Variants in SERPINB9 observed in about 807,000 individuals in gnomAD.
SERPINB9 encodes serpin B9.
A neutral mutation model predicts 27.2 loss-of-function variants in SERPINB9; 20 were observed. That is an observed-to-expected ratio of 0.74 (90% CI 0.52 to 1.07). The LOEUF is 1.07. SERPINB9 is among the 50% of genes least tolerant of loss of function. SERPINB9 has a pLI of 0.00. For missense variants in SERPINB9, 476 were observed against 460.1 expected, an observed-to-expected ratio of 1.03 and a Z score of -0.32; for synonymous variants, 189 against 180.0, an observed-to-expected ratio of 1.05 and a Z score of -0.40.
chr6:2,902,443 A>G (rs1306462954), intron 1 of SERPINB9, among the ~76,000 whole-genome samples: 2 of 152,224 alleles, frequency 1.3e-5, no homozygotes, highest in African/African-American at 4.8e-5. Flanking sequence ...ATTAAGATGG[A>G]TAAGAGTGCT....
rs779999185 is a variant in SERPINB9, at chr6:2,896,102, A to G, written c.257T>C (p.Leu86Pro). Residue 86 changes from leucine (L) to proline (P), a missense_variant, in exon 3 of 7, where the codon CTG becomes CCG. Coordinates refer to ENST00000380698, the MANE Select transcript of SERPINB9 (RefSeq NM_004155.6). ...EVNKAGTQYL[L>P]RTANRLFGEK... ...TCCAAAGAGCCTGTTGGCCGTTCTC[A>G]GCAGGTACTGTGTGCCAGCCTTGTT... 8.1e-6 allele frequency: 13 copies of G among 1,613,724 alleles called. No individual in the cohort carries two copies. In the South Asian group the frequency reaches 1.4e-4, roughly 18 times the overall value.
At chr6:2,892,775 C>T (rs945215013) in intron 5 of SERPINB9, among the ~76,000 whole-genome samples, 6 of 152,082 alleles carry the variant, frequency 3.9e-5, no homozygotes, top group African/African-American at 1.4e-4. Context: ...TTTTTAATTA[C>T]ATTAAAATAG....
intron 5 of SERPINB9, among the ~76,000 whole-genome samples, chr6:2,892,245 G>A (rs1392634306): frequency 6.6e-6 from 1 of 150,596 alleles, no homozygotes; most frequent in Non-Finnish European, 1.5e-5. Flanking sequence ...AGAGGAGAAA[G>A]ATGTTTCTCA....
chr6:2,896,610 GACT>G (rs1561646485), intron 2 of SERPINB9, among the ~76,000 whole-genome samples: 1 of 152,134 alleles, frequency 6.6e-6, no homozygotes, highest in African/African-American at 2.4e-5. Context: ...ACCCTATAGG[GACT>G]ACATGTGTGT....
At chr6:2,893,213 G>GTATA (rs369053273) in intron 5 of SERPINB9, among the ~76,000 whole-genome samples, 198 bp downstream of exon 5, 62 of 133,770 alleles carry the variant, frequency 4.6e-4, no homozygotes, top group Non-Finnish European at 4.9e-4. Context: ...TTATATATAC[G>GTATA]TATATATAAT....
At chr6:2,892,462 A>C (rs1228893197) in intron 5 of SERPINB9, among the ~76,000 whole-genome samples, 1 of 152,226 alleles carries the variant, frequency 6.6e-6, no homozygotes, top group Non-Finnish European at 1.5e-5. Context: ...ACACTCTCTC[A>C]GAAAGAGTAA....
At position 2,890,372 on chromosome 6, in the gene SERPINB9, C is replaced by T; in HGVS notation, c.922G>A (p.Asp308Asn). ...ADLSAMSAER[D>N]LCLSKFVHKS... ...TGCACGAACTTGGACAGACACAGGTCTCTCTCCGCTGACATTGCCGACAAG... is the reference window on the plus strand; with the variant it reads ...TGCACGAACTTGGACAGACACAGGTTTCTCTCCGCTGACATTGCCGACAAG... The change falls in exon 7 of 7, where the codon GAC becomes AAC. Residue 308 changes from aspartate to asparagine, a missense_variant. Transcript: ENST00000380698. The surrounding 1 kb of genome is among the most constrained non-coding windows in gnomAD (Gnocchi z 6.2). The T allele has an allele frequency of 6.2e-7, 1 of 1,614,220 alleles. No homozygotes were observed. The highest frequency in any genetic ancestry group is 8.5e-7 in the Non-Finnish European group (1 of 1,180,040).
chr6:2,895,069 T>TTG (rs1767947895), intron 4 of SERPINB9, among the ~76,000 whole-genome samples: 1 of 152,184 alleles, frequency 6.6e-6, no homozygotes, highest in South Asian at 2.1e-4. Flanking sequence ...CTTTTGACAT[T>TTG]TGTATCAGCT....
Position 2,890,263 on chromosome 6 carries a change from T to A in SERPINB9, c.1031A>T (p.Glu344Val). 1 of 1,614,170 alleles carries A rather than the reference T, an allele frequency of 6.2e-7. No individual in the cohort carries two copies. Residue 344 changes from glutamate to valine, a missense_variant, in exon 7 of 7, where the codon GAA (glutamate) becomes GTA (valine). By Grantham distance (121) the Glu-to-Val change is moderately radical. Transcript: ENST00000380698. This position sits in a 1 kb window ranked among gnomAD's most constrained non-coding sequence, Gnocchi z 6.2. ...GTCAGCACAGAACCTGGGGCCAGAT[T>A]CCATGCAGCACTCTGCAACTACAAA... is the stretch of plus-strand genomic sequence containing the variant. Reference protein sequence around the residue: ...SCFVVAECCMESGPRFCADHP... With the variant: ...SCFVVAECCMVSGPRFCADHP...
chr6:2,887,431 C>CATAG lies in SERPINB9; in HGVS notation c.*2728_*2731dup, dbSNP rs1387363287. On this transcript the variant is annotated 3_prime_UTR_variant, in exon 7 of 7. Coordinates refer to ENST00000380698, the MANE Select transcript of SERPINB9 (RefSeq NM_004155.6). Reference sequence around the variant, plus strand: ...AAAAGTAGGTGTATGAATGACAATTCATAGATGAGGAAATTCAAGAGCCAA... The same window carrying CATAG: ...AAAAGTAGGTGTATGAATGACAATTCATAGATAGATGAGGAAATTCAAGAGCCAA... 2 of 152,122 alleles carry CATAG rather than the reference C, an allele frequency of 1.3e-5. No individual in the cohort carries two copies. Among genetic ancestry groups the CATAG allele is most frequent in the Admixed American group, 1.3e-4 (2 of 15,266 alleles). The allele number at this position is 152,122 out of a possible 1,614,324, so 9.4% of individuals were successfully genotyped here. A position where few individuals can be genotyped will look rare whatever the true frequency, so the allele number is the denominator to read the frequency against.
chr6:2,894,086 T>C lies in SERPINB9; in HGVS notation c.425-533A>G, dbSNP rs1767916195. On this transcript the variant is annotated intron_variant, in intron 4 of 6. Coordinates refer to ENST00000380698, the MANE Select transcript of SERPINB9 (RefSeq NM_004155.6). The surrounding 1 kb of genome is among the most constrained non-coding windows in gnomAD (Gnocchi z 4.7). Reference sequence around the variant, plus strand: ...CACTAGGCATCCCTGGAAAAGAGGATGTGGGCAAACAAAGATCACCCCTTC... The same window carrying C: ...CACTAGGCATCCCTGGAAAAGAGGACGTGGGCAAACAAAGATCACCCCTTC... Among the ~76,000 whole-genome samples the C allele has an allele frequency of 6.6e-6, 1 of 152,024 alleles. No homozygotes were observed. The highest frequency in any genetic ancestry group is 1.5e-5 in the Non-Finnish European group (1 of 67,990).
chr6:2,900,293 C>T, intron 2 of SERPINB9, 151 bp downstream of exon 2: 1 of 870,206 alleles, frequency 1.1e-6, no homozygotes, highest in East Asian at 2.5e-5. Flanking sequence ...CACTTCTTCC[C>T]CAGTGGACCC....
rs548523453 is a variant in SERPINB9 at position 2,894,169 on chromosome 6, ACTGC to A, written c.425-620_425-617del. Among the ~76,000 whole-genome samples the A allele has an allele frequency of 2.0e-4, 30 of 152,272 alleles. No homozygotes were observed. Among genetic ancestry groups the A allele is most frequent in the African/African-American group, 6.3e-4 (26 of 41,558 alleles). ...GAACTGAGGGCATCCCTGCTAACCC[ACTGC>A]CTGAAGAGAGCATCCGTGGTAAATA... On this transcript the variant is annotated intron_variant, in intron 4 of 6. Transcript: ENST00000380698. The surrounding 1 kb of genome is among the most constrained non-coding windows in gnomAD (Gnocchi z 4.7).
In SERPINB9 at chr6:2,891,385, G is replaced by T. The variant is rs1261987901; in HGVS notation, c.723+448C>A. On this transcript the variant is annotated intron_variant, in intron 6 of 6. Transcript: ENST00000380698. The surrounding 1 kb of genome is among the most constrained non-coding windows in gnomAD (Gnocchi z 4.0). The stretch of plus-strand genomic sequence containing the variant: ...GCTAAGAATGATGATTGTAATAATG[G>T]ATCACATTTGTAGAGCATTTACTAG... Among the ~76,000 whole-genome samples, 1 of 152,154 alleles carries T rather than the reference G, an allele frequency of 6.6e-6. No individual in the cohort carries two copies. Among genetic ancestry groups the T allele is most frequent in the African/African-American group, 2.4e-5 (1 of 41,416 alleles).
In SERPINB9 at chr6:2,891,927, C is replaced by T; in HGVS notation, c.629G>A (p.Gly210Asp). Residue 210 changes from glycine (G) to aspartate (D), a missense_variant, in exon 6 of 7, where the codon GGC becomes GAC. Gly to Asp is a moderately conservative substitution (Grantham distance 94). Transcript: ENST00000380698. The surrounding 1 kb of genome is among the most constrained non-coding windows in gnomAD (Gnocchi z 4.0). ...CTCCAGCAGCTGCGCGCGCACCTCG[C>T]CCACGTGGGCGAGCTTAAACGTGGC... ...QEATFKLAHV[G>D]EVRAQLLELP... 1 of 1,613,454 alleles carries T rather than the reference C, an allele frequency of 6.2e-7. No individual in the cohort carries two copies. Among genetic ancestry groups the T allele is most frequent in the South Asian group, 1.1e-5 (1 of 91,074 alleles).
At chr6:2,896,369 G>A (rs543630603) in intron 2 of SERPINB9, among the ~76,000 whole-genome samples, 179 bp from the exon 3 acceptor site, 1 of 152,078 alleles carries the variant, frequency 6.6e-6, no homozygotes, top group East Asian at 1.9e-4. Flanking sequence ...GCTCAGAAAA[G>A]AGGTTGTGAT....
chr6:2,891,936 G>A lies in SERPINB9; in HGVS notation c.620C>T (p.Ala207Val), dbSNP rs764074326. The A allele has an allele frequency of 3.3e-5, 53 of 1,612,920 alleles. No homozygotes were observed. Among genetic ancestry groups the A allele is most frequent in the Non-Finnish European group, 4.0e-5 (47 of 1,179,848 alleles). ...MMYQEATFKL[A>V]HVGEVRAQLL... ...CTGCGCGCGCACCTCGCCCACGTGG[G>A]CGAGCTTAAACGTGGCCTCCTGATA... Residue 207 changes from alanine to valine, a missense_variant, in exon 6 of 7, where the codon GCC (alanine) becomes GTC (valine). Ala to Val is a moderately conservative substitution (Grantham distance 64). Transcript: ENST00000380698. This position sits in a 1 kb window ranked among gnomAD's most constrained non-coding sequence, Gnocchi z 4.0.
In SERPINB9 at chr6:2,895,521, A is replaced by C; in HGVS notation, c.307-13T>G. ...ATTCCTTAAACGTCTTTGGAGAGAA[A>C]AATGTTCAGTGAGGCTGCATTGCTA... On this transcript the variant is annotated splice_polypyrimidine_tract_variant and intron_variant, in intron 3 of 6. Coordinates refer to ENST00000380698, the MANE Select transcript of SERPINB9 (RefSeq NM_004155.6). The C allele has an allele frequency of 6.4e-7, 1 of 1,569,708 alleles. No individual in the cohort carries two copies. The highest frequency in any genetic ancestry group is 8.8e-7 in the Non-Finnish European group (1 of 1,142,206).
chr6:2,895,635 T>C, intron 3 of SERPINB9, 127 bp from the exon 4 acceptor site: 2 of 659,326 alleles, frequency 3.0e-6, no homozygotes, highest in South Asian at 1.8e-5. Flanking sequence ...AAAGTGATCA[T>C]ATGAAGATAT....
Sources: allele counts gnomAD v4.1 joint callset (sites outside exome capture counted in the v4.1 genomes callset), GRCh38; gene constraint gnomAD v4.1.1; non-coding constraint Gnocchi (gnomAD v3.1); transcripts MANE v1.5; gene names NCBI Gene and HGNC (gene_info 2026-07-23, HGNC 2026-07-21).